The following BLK variants were observed in gnomAD, a reference collection of about 807,000 sequenced individuals.
The protein encoded by BLK is tyrosine-protein kinase Blk.
BLK carries 64 observed loss-of-function variants against 61.8 expected under a neutral mutation model. That is an observed-to-expected ratio of 1.03 (90% CI 0.85 to 1.27). The LOEUF is 1.27. BLK is among the 50% of genes most tolerant of loss of function. The pLI is 0.00. For synonymous variants in BLK, 351 were observed against 272.0 expected (o/e 1.29, Z -2.86); for missense variants, 853 against 660.5 (o/e 1.29, Z -3.19).
intron 1 of BLK, among the ~76,000 whole-genome samples, chr8:11,520,056 C>G (rs1190363626): frequency 1.3e-5 from 2 of 152,102 alleles, no homozygotes; most frequent in African/African-American, 4.8e-5. Context: ...CACACACAAA[C>G]CACAGATAAC....
intron 2 of BLK, among the ~76,000 whole-genome samples, chr8:11,545,323 A>G (rs1462980202): frequency 6.6e-6 from 1 of 152,142 alleles, no homozygotes; most frequent in Non-Finnish European, 1.5e-5. Flanking sequence ...CCGAGGTGGG[A>G]GGATCACTTG....
intron 1 of BLK, among the ~76,000 whole-genome samples, chr8:11,508,596 A>C (rs1295946306): frequency 6.6e-6 from 1 of 152,192 alleles, no homozygotes; most frequent in Non-Finnish European, 1.5e-5. Context: ...AAGGTACTTC[A>C]TGTCAGTCCT....
chr8:11,529,609 T>C (rs966644094), intron 1 of BLK, among the ~76,000 whole-genome samples: 2 of 152,118 alleles, frequency 1.3e-5, no homozygotes, highest in Non-Finnish European at 2.9e-5. Context: ...TAATTTCTAA[T>C]CCTGTGGCTA....
rs553230958 is a variant in BLK at position 11,550,836 on chromosome 8, CTTAAT to C, written c.472+577_472+581del. On this transcript the variant is annotated intron_variant, in intron 6 of 12. Transcript: ENST00000259089. ...CTCTGTCATTTGGCTTTCTTTCCTT[CTTAAT>C]TTTTTTGGTGTAAAATATAAAACAC... 7.2e-4 allele frequency among the ~76,000 whole-genome samples: 110 copies of C among 152,326 alleles called. 4 individuals are homozygous for C. The South Asian group carries it at 0.022, about 30-fold the overall frequency.
At chr8:11,503,289 T>C (rs1336019889) in intron 1 of BLK, among the ~76,000 whole-genome samples, 1 of 152,220 alleles carries the variant, frequency 6.6e-6, no homozygotes, top group Non-Finnish European at 1.5e-5. Context: ...CTGATGAGTC[T>C]CCTGGTAGCC....
chr8:11,504,944 A>G (rs1798711020), intron 1 of BLK, among the ~76,000 whole-genome samples: 1 of 152,218 alleles, frequency 6.6e-6, no homozygotes, highest in Non-Finnish European at 1.5e-5. Flanking sequence ...ACACAAACAC[A>G]CATGCACAGA....
intron 1 of BLK, among the ~76,000 whole-genome samples, chr8:11,513,299 G>T (rs1262556973): frequency 6.6e-6 from 1 of 152,172 alleles, no homozygotes; most frequent in African/African-American, 2.4e-5. Context: ...GGGGTACAAG[G>T]CTGATGCTGG....
intron 1 of BLK, among the ~76,000 whole-genome samples, chr8:11,539,279 T>A (rs374353618): frequency 1.3e-5 from 2 of 152,308 alleles, no homozygotes; most frequent in East Asian, 1.9e-4. Flanking sequence ...CCTCTTTGGG[T>A]CTTACTTTTC....
rs563038217 is a variant in BLK at position 11,555,503 on chromosome 8, G to T, written c.772+19G>T. 3.1e-6 allele frequency: 5 copies of T among 1,613,860 alleles called. No individual in the cohort carries two copies. The highest frequency in any genetic ancestry group is 2.5e-6 in the Non-Finnish European group (3 of 1,180,012). On this transcript the variant is annotated intron_variant, in intron 8 of 12. Coordinates refer to ENST00000259089, the MANE Select transcript of BLK (RefSeq NM_001715.3). ...TGGATGGGTGAGTGTGTGCACACGT[G>T]GGAGCATTTCTCCCCCCATTCCACC... is the stretch of plus-strand genomic sequence containing the variant.
chr8:11,518,433 G>C (rs1050411449), intron 1 of BLK, among the ~76,000 whole-genome samples: 1 of 152,144 alleles, frequency 6.6e-6, no homozygotes, highest in East Asian at 1.9e-4. Flanking sequence ...GTGGATTGGT[G>C]GGGGGCAGAA....
chr8:11,510,485 G>A (rs892814108), intron 1 of BLK, among the ~76,000 whole-genome samples: 1 of 152,100 alleles, frequency 6.6e-6, no homozygotes, highest in Non-Finnish European at 1.5e-5. Flanking sequence ...TCGGGGGAGA[G>A]GTCCTGAAGC....
At chr8:11,495,610 A>G (rs1006478025) in intron 1 of BLK, among the ~76,000 whole-genome samples, 2 of 152,242 alleles carry the variant, frequency 1.3e-5, no homozygotes, top group African/African-American at 4.8e-5. Context: ...AAGATTCCAC[A>G]ACATATTTCA....
intron 1 of BLK, among the ~76,000 whole-genome samples, chr8:11,495,739 A>C (rs1798339492): frequency 6.6e-6 from 1 of 152,206 alleles, no homozygotes. Context: ...TTGGATCCTA[A>C]AGCAACACCG....
At chr8:11,544,567 C>A (rs1800535738) in intron 2 of BLK, among the ~76,000 whole-genome samples, 1 of 152,126 alleles carries the variant, frequency 6.6e-6, no homozygotes, top group African/African-American at 2.4e-5. Context: ...TGGACTTAGA[C>A]TGATTGAGTA....
intron 9 of BLK, among the ~76,000 whole-genome samples, chr8:11,557,536 C>T (rs1234181511): frequency 6.6e-6 from 1 of 152,220 alleles, no homozygotes; most frequent in Non-Finnish European, 1.5e-5. Flanking sequence ...ACAGTTCTCT[C>T]CATTCTGGTG....
chr8:11,514,414 C>T (rs1247071910), intron 1 of BLK, among the ~76,000 whole-genome samples: 1 of 152,218 alleles, frequency 6.6e-6, no homozygotes, highest in African/African-American at 2.4e-5. Flanking sequence ...CAGGCAAGAG[C>T]CCCGCAATGG....
At chr8:11,510,774 CAAATAAAT>C (rs71203391) in intron 1 of BLK, among the ~76,000 whole-genome samples, 4,329 of 144,868 alleles carry the variant, frequency 0.03, 128 homozygotes, top group East Asian at 0.086. Flanking sequence ...GACTCCATCT[CAAATAAAT>C]AAATAAATAA....
intron 10 of BLK, chr8:11,560,876 G>T (rs2898289): frequency 1.3e-5 from 6 of 463,902 alleles, no homozygotes; most frequent in African/African-American, 6.0e-5. Flanking sequence ...CTTCCCGAGG[G>T]CCTCCAGCTC....
At chr8:11,543,685 C>G (rs539941090) in intron 2 of BLK, among the ~76,000 whole-genome samples, 3 of 152,332 alleles carry the variant, frequency 2.0e-5, no homozygotes, top group South Asian at 4.1e-4. Context: ...AGACCCTTGT[C>G]CCCTATGTGG....
Sources: gnomAD v4.1 joint callset for allele counts (sites outside exome capture counted in the v4.1 genomes callset) on GRCh38, gnomAD v4.1.1 for gene constraint, MANE v1.5 for transcripts, NCBI Gene and HGNC (gene_info 2026-07-23, HGNC 2026-07-21) for gene names.